Variants in CALN1 observed in about 807,000 individuals in gnomAD.
CALN1 encodes the protein calneuron 1, also known as calcium-binding protein 8.
In CALN1, 17 loss-of-function variants were observed where a neutral mutation model predicts 30.6. The observed-to-expected ratio is 0.56, with a 90% confidence interval of 0.38 to 0.83. CALN1 has a LOEUF of 0.83. CALN1 is among the 40% of genes least tolerant of loss of function. The probability of loss-of-function intolerance (pLI) is 0.00; values close to 1 mark genes in which losing one functional copy is unlikely to be tolerated. For synonymous variants in CALN1, 156 were observed against 131.4 expected (o/e 1.19, Z -1.28); for missense variants, 291 against 354.9 (o/e 0.82, Z 1.45).
intron 3 of CALN1, among the ~76,000 whole-genome samples, chr7:72,106,957 TGAA>T (rs1479372276): frequency 3.2e-5 from 3 of 94,132 alleles, no homozygotes; most frequent in South Asian, 3.4e-4. Context: ...GAAAAAGAAA[TGAA>T]GAAAGGGAGA....
At chr7:72,115,235 T>C (rs1807892294) in intron 3 of CALN1, among the ~76,000 whole-genome samples, 1 of 145,618 alleles carries the variant, frequency 6.9e-6, no homozygotes, top group Admixed American at 7.0e-5. Context: ...ATATATAATA[T>C]ACAGTGTATA....
intron 3 of CALN1, among the ~76,000 whole-genome samples, chr7:72,254,776 C>G (rs1023441530): frequency 1.3e-5 from 2 of 151,972 alleles, no homozygotes; most frequent in African/African-American, 4.8e-5. Context: ...TCTTTCCCCC[C>G]CGCTGAGACA....
At chr7:72,488,442 TA>T in the CALN1 span, among the ~76,000 whole-genome samples, 5 of 152,162 alleles carry the variant, frequency 3.3e-5, no homozygotes, top group Non-Finnish European at 7.4e-5. Context: ...TGATAGAGGT[TA>T]GGGGGCCTAA....
chr7:71,861,180 T>G (rs796193724), intron 5 of CALN1, among the ~76,000 whole-genome samples: 9 of 65,240 alleles, frequency 1.4e-4, no homozygotes, highest in African/African-American at 6.6e-4. Flanking sequence ...TGGTGTGGGG[T>G]GTGTGTGTGT....
chr7:71,897,396 G>T (rs905016005), intron 5 of CALN1, among the ~76,000 whole-genome samples: 3 of 151,902 alleles, frequency 2.0e-5, no homozygotes, highest in Non-Finnish European at 4.4e-5. Flanking sequence ...GAGAAAGAAG[G>T]GGGATTCTAC....
intron 2 of CALN1, among the ~76,000 whole-genome samples, chr7:72,384,071 C>T (rs558996725): frequency 7.5e-4 from 114 of 152,282 alleles, no homozygotes; most frequent in African/African-American, 2.5e-3. Context: ...AATAATAATC[C>T]CCATTTCTTA....
chr7:72,148,137 A>C (rs1047673348), intron 3 of CALN1, among the ~76,000 whole-genome samples: 4 of 141,822 alleles, frequency 2.8e-5, no homozygotes, highest in East Asian at 3.0e-4. Context: ...AACCAAACAA[A>C]CAAACAGAAA....
chr7:72,341,377 G>A (rs1429724328), intron 2 of CALN1, among the ~76,000 whole-genome samples: 1 of 152,158 alleles, frequency 6.6e-6, no homozygotes, highest in Non-Finnish European at 1.5e-5. Context: ...ACAAAAATTA[G>A]CTAGGCATGG....
intron 3 of CALN1, among the ~76,000 whole-genome samples, chr7:72,126,701 A>C (rs1417708610): frequency 6.6e-6 from 1 of 151,212 alleles, no homozygotes; most frequent in Non-Finnish European, 1.5e-5. Flanking sequence ...AAGTGAGAAC[A>C]TATGATATTT....
chr7:72,372,972 T>C (rs972162782), intron 2 of CALN1, among the ~76,000 whole-genome samples: 1 of 152,040 alleles, frequency 6.6e-6, no homozygotes, highest in Non-Finnish European at 1.5e-5. Flanking sequence ...GGCAAAAAGG[T>C]AGCTACCATA....
chr7:72,413,952 CTTCT>C (rs1807341063), upstream of CALN1, among the ~76,000 whole-genome samples: 1 of 152,100 alleles, frequency 6.6e-6, no homozygotes, highest in Non-Finnish European at 1.5e-5. Context: ...CTCCCCCTTC[CTTCT>C]GTTTCCATGA....
At chr7:71,834,957 G>T (rs1389163570) in intron 5 of CALN1, among the ~76,000 whole-genome samples, 1 of 152,058 alleles carries the variant, frequency 6.6e-6, no homozygotes, top group African/African-American at 2.4e-5. Context: ...TCAGCCTTTC[G>T]AGTAGTTGGG....
chr7:72,121,936 A>C (rs931441073), intron 3 of CALN1, among the ~76,000 whole-genome samples: 1 of 149,142 alleles, frequency 6.7e-6, no homozygotes, highest in Admixed American at 6.8e-5. Context: ...CATGTAATAT[A>C]TAATAGTTTG....
chr7:71,859,802 G>C (rs1791167130), intron 5 of CALN1, among the ~76,000 whole-genome samples: 1 of 152,180 alleles, frequency 6.6e-6, no homozygotes, highest in Non-Finnish European at 1.5e-5. Context: ...GTGGGTACCA[G>C]AGTGACTCCA....
chr7:72,318,620 A>G (rs1165787587), intron 2 of CALN1, among the ~76,000 whole-genome samples: 2 of 150,106 alleles, frequency 1.3e-5, no homozygotes, highest in Admixed American at 1.3e-4. Context: ...AGCTCACTGC[A>G]GCCTCGAACT....
At position 72,176,503 on chromosome 7, in the gene CALN1, T is replaced by C. The variant is rs1789367884; in HGVS notation, c.245-70209A>G. Among the ~76,000 whole-genome samples, 3 of 152,088 alleles carry C rather than the reference T, an allele frequency of 2.0e-5. No homozygotes were observed. In the South Asian group the frequency reaches 6.2e-4, roughly 32 times the overall value. ...TGGCCTTGATAATGAGATCTGGTTATTAAAAAGTCTGTGGCACCTCCTCCT... is the reference window on the plus strand; with the variant it reads ...TGGCCTTGATAATGAGATCTGGTTACTAAAAAGTCTGTGGCACCTCCTCCT... On this transcript the variant is annotated intron_variant, in intron 3 of 6. Coordinates refer to ENST00000395275, the MANE Select transcript of CALN1 (RefSeq NM_031468.4).
chr7:72,387,959 T>C (rs1046466454), intron 2 of CALN1, among the ~76,000 whole-genome samples: 1 of 152,162 alleles, frequency 6.6e-6, no homozygotes. Context: ...TTGTGTTCTA[T>C]TGCACAGTAA....
chr7:72,179,104 C>A (rs1211906987), intron 3 of CALN1, among the ~76,000 whole-genome samples: 1 of 152,140 alleles, frequency 6.6e-6, no homozygotes, highest in African/African-American at 2.4e-5. Context: ...GAACTCATAT[C>A]TCACACTAAT....
intron 6 of CALN1, among the ~76,000 whole-genome samples, chr7:71,790,759 T>G (rs1485283162): frequency 6.6e-6 from 1 of 152,168 alleles, no homozygotes; most frequent in African/African-American, 2.4e-5. Flanking sequence ...GGTTGGGAAT[T>G]TGTGTTTTAA....
Sources: gnomAD v4.1 joint callset for allele counts (sites outside exome capture counted in the v4.1 genomes callset) on GRCh38, gnomAD v4.1.1 for gene constraint, MANE v1.5 for transcripts, NCBI Gene and HGNC (gene_info 2026-07-23, HGNC 2026-07-21) for gene names.